Variants in IL1RAPL2 observed in about 807,000 individuals in gnomAD.
IL1RAPL2 encodes the protein X-linked interleukin-1 receptor accessory protein-like 2.
A neutral mutation model predicts 44.1 loss-of-function variants in IL1RAPL2; 3 were observed. The observed-to-expected ratio is 0.07, with a 90% CI of 0.03 to 0.18. The LOEUF (loss-of-function observed/expected upper bound fraction) is 0.18. IL1RAPL2 is among the 10% of genes least tolerant of loss of function. The probability of loss-of-function intolerance (pLI) is 1.00; values close to 1 mark genes in which losing one functional copy is unlikely to be tolerated. For missense variants in IL1RAPL2, 391 were observed against 496.4 expected (o/e 0.79, Z 2.02); for synonymous variants, 181 against 178.8 (o/e 1.01, Z -0.10).
intron 2 of IL1RAPL2, among the ~76,000 whole-genome samples, chrX:104,750,593 A>G (rs1160752156): frequency 1.8e-5 from 2 of 110,833 alleles, no homozygotes; most frequent in Non-Finnish European, 3.8e-5. Flanking sequence ...AATGAAAGAG[A>G]CTGGAGAGGA....
intron 2 of IL1RAPL2, among the ~76,000 whole-genome samples, chrX:104,793,161 C>T (rs1337013233): frequency 8.9e-6 from 1 of 112,132 alleles, no homozygotes; most frequent in African/African-American, 3.2e-5. Flanking sequence ...TCTTTTGTGG[C>T]TCAGGCAGTA....
chrX:104,778,657 ATTATTAT>A (rs1346724582), intron 2 of IL1RAPL2, among the ~76,000 whole-genome samples: 3 of 83,989 alleles, frequency 3.6e-5, no homozygotes, highest in Admixed American at 1.3e-4. Flanking sequence ...TCTGCTTTCA[ATTATTAT>A]TTATTATTAT....
At chrX:105,617,238 G>C (rs1480652059) in intron 6 of IL1RAPL2, among the ~76,000 whole-genome samples, 2 of 110,825 alleles carry the variant, frequency 1.8e-5, no homozygotes, top group African/African-American at 6.6e-5. Context: ...TACAGATATT[G>C]AATGGCCAAC....
chrX:105,697,617 C>A (rs192025542), intron 6 of IL1RAPL2, among the ~76,000 whole-genome samples: 13 of 110,872 alleles, frequency 1.2e-4, no homozygotes, highest in African/African-American at 4.3e-4. Context: ...CAGACCCACC[C>A]ATGGATAGGA....
chrX:105,316,105 C>T (rs1188521190), intron 5 of IL1RAPL2, among the ~76,000 whole-genome samples: 9 of 110,478 alleles, frequency 8.1e-5, no homozygotes, highest in African/African-American at 2.6e-4. Flanking sequence ...GAAACCCCAT[C>T]TCTACTAAAA....
intron 2 of IL1RAPL2, among the ~76,000 whole-genome samples, chrX:104,849,014 A>G (rs993651873): frequency 9.1e-6 from 1 of 110,029 alleles, no homozygotes; most frequent in Non-Finnish European, 1.9e-5. Flanking sequence ...CTGTTTTATT[A>G]TTTATTTATT....
chrX:105,079,357 G>C (rs1477278151), intron 2 of IL1RAPL2, among the ~76,000 whole-genome samples: 3 of 108,709 alleles, frequency 2.8e-5, no homozygotes, highest in African/African-American at 1.0e-4. Context: ...CTACTATAAA[G>C]ACAGAGAGAC....
intron 2 of IL1RAPL2, among the ~76,000 whole-genome samples, chrX:104,744,837 A>G (rs1932148639): frequency 2.7e-5 from 3 of 110,999 alleles, no homozygotes; most frequent in African/African-American, 9.8e-5. Flanking sequence ...AATAAATAAG[A>G]CAATATATGT....
At chrX:105,664,120 AG>A (rs1166471060) in intron 6 of IL1RAPL2, among the ~76,000 whole-genome samples, 5 of 112,220 alleles carry the variant, frequency 4.5e-5, no homozygotes, top group African/African-American at 1.6e-4. Flanking sequence ...AATTTTAGAA[AG>A]AGGTTTGGCT....
chrX:105,572,003 A>G (rs1178377687), intron 6 of IL1RAPL2, among the ~76,000 whole-genome samples: 1 of 111,782 alleles, frequency 8.9e-6, no homozygotes, highest in Non-Finnish European at 1.9e-5. Flanking sequence ...TCAGATTTCA[A>G]TGTCAGGTTT....
intron 6 of IL1RAPL2, among the ~76,000 whole-genome samples, chrX:105,549,735 A>T (rs1219820847): frequency 1.8e-5 from 2 of 110,855 alleles, no homozygotes; most frequent in Non-Finnish European, 3.8e-5. Flanking sequence ...CATCCTAAAA[A>T]CCCAGGATGC....
At chrX:105,220,599 T>C (rs895847744) in intron 3 of IL1RAPL2, 30 of 363,133 alleles carry the variant, frequency 8.3e-5, no homozygotes, top group Non-Finnish European at 1.4e-4. Context: ...CCTCACCTCT[T>C]CAGCCAGGGC....
Position 105,260,270 on chromosome X carries a change from C to T in IL1RAPL2, c.544-7118C>T, listed in dbSNP as rs557139048. On this transcript the variant is annotated intron_variant, in intron 4 of 10. Transcript: ENST00000372582. Reference sequence around the variant, plus strand: ...TAAGTTTCCCAAACAGCAAGGATGACGGCCCAGCCCTCCTTCTGAGAGCTT... The same window carrying T: ...TAAGTTTCCCAAACAGCAAGGATGATGGCCCAGCCCTCCTTCTGAGAGCTT... 5.3e-5 allele frequency among the ~76,000 whole-genome samples: 6 copies of T among 112,409 alleles called. No homozygotes were observed. In the East Asian group the frequency reaches 1.1e-3, roughly 21 times the overall value.
intron 6 of IL1RAPL2, among the ~76,000 whole-genome samples, chrX:105,560,200 T>A (rs1417112089): frequency 9.0e-6 from 1 of 111,553 alleles, no homozygotes; most frequent in African/African-American, 3.3e-5. Context: ...TTAAAGAAGG[T>A]AACCTCCTCA....
At chrX:104,842,597 G>T (rs913804547) in intron 2 of IL1RAPL2, among the ~76,000 whole-genome samples, 1 of 112,305 alleles carries the variant, frequency 8.9e-6, no homozygotes, top group Non-Finnish European at 1.9e-5. Context: ...TTCTTTTGAT[G>T]TCGTTGTTGT....
chrX:105,574,227 A>G (rs1357788253), intron 6 of IL1RAPL2, among the ~76,000 whole-genome samples: 1 of 112,120 alleles, frequency 8.9e-6, no homozygotes, highest in Non-Finnish European at 1.9e-5. Context: ...GAAACAGTAA[A>G]TATAAGCTAA....
chrX:104,625,737 G>A (rs958074580), intron 1 of IL1RAPL2, among the ~76,000 whole-genome samples: 3 of 111,456 alleles, frequency 2.7e-5, no homozygotes, highest in Non-Finnish European at 3.8e-5. Context: ...CCCCTCGTCT[G>A]TGCCAGTTCC....
At chrX:104,571,403 G>A (rs192764122) in intron 1 of IL1RAPL2, among the ~76,000 whole-genome samples, 22 of 111,618 alleles carry the variant, frequency 2.0e-4, no homozygotes, top group South Asian at 7.6e-4. Flanking sequence ...GTTTGGCTGC[G>A]TCCCCACCCA....
chrX:105,580,245 C>A (rs1349337749), intron 6 of IL1RAPL2, among the ~76,000 whole-genome samples: 2 of 111,012 alleles, frequency 1.8e-5, no homozygotes, highest in Admixed American at 9.7e-5. Flanking sequence ...TTTAAATGGG[C>A]AGCCTCCGTT....
Sources: allele counts gnomAD v4.1 joint callset (sites outside exome capture counted in the v4.1 genomes callset), GRCh38; gene constraint gnomAD v4.1.1; transcripts MANE v1.5; gene names NCBI Gene and HGNC (gene_info 2026-07-23, HGNC 2026-07-21).